The following DLG2 variants were observed in gnomAD, a reference collection of about 807,000 sequenced individuals.
DLG2 encodes the protein disks large homolog 2.
A neutral mutation model predicts 132.5 loss-of-function variants in DLG2; 45 were observed. The observed-to-expected ratio is 0.34, with a 90% CI of 0.27 to 0.44. The LOEUF (loss-of-function observed/expected upper bound fraction) is 0.44. Among genes scored for constraint, DLG2 ranks in the 20% least tolerant of loss-of-function variants. DLG2 has a pLI of 1.00. For missense variants in DLG2, 1,045 were observed against 1,196.9 expected (o/e 0.87, Z 1.87); for synonymous variants, 424 against 419.6 (o/e 1.01, Z -0.13).
chr11:83,710,451 C>G (rs934870486), intron 18 of DLG2, among the ~76,000 whole-genome samples: 2 of 152,158 alleles, frequency 1.3e-5, no homozygotes, highest in African/African-American at 4.8e-5. Flanking sequence ...CATGAGCCAC[C>G]TTGCCTGGCC....
intron 14 of DLG2, among the ~76,000 whole-genome samples, chr11:83,958,004 C>A (rs1001379552): frequency 3.9e-5 from 6 of 152,172 alleles, no homozygotes; most frequent in Non-Finnish European, 7.4e-5. Context: ...ACTAACTGAA[C>A]TTAATGCATT....
At chr11:84,333,948 T>C (rs1192668977) in intron 7 of DLG2, among the ~76,000 whole-genome samples, 1 of 152,200 alleles carries the variant, frequency 6.6e-6, no homozygotes, top group East Asian at 1.9e-4. Context: ...GTGAGTGTCA[T>C]GTGTCAGAGG....
chr11:83,906,253 TCTCTCACACACACA>T (rs2074852215), intron 15 of DLG2, among the ~76,000 whole-genome samples: 1 of 96,754 alleles, frequency 1.0e-5, no homozygotes. Flanking sequence ...TCTCTCTCTC[TCTCTCACACACACA>T]CACACACACA....
At chr11:85,100,108 T>G (rs1460197587) in intron 6 of DLG2, among the ~76,000 whole-genome samples, 1 of 152,138 alleles carries the variant, frequency 6.6e-6, no homozygotes, top group African/African-American at 2.4e-5. Flanking sequence ...ATTAAGTAAA[T>G]TAACTCATAT....
At chr11:85,438,673 T>C (rs2091615948) in intron 3 of DLG2, among the ~76,000 whole-genome samples, 2 of 152,156 alleles carry the variant, frequency 1.3e-5, no homozygotes. Flanking sequence ...CTTGTCCTCA[T>C]CTTTGTGTGT....
At chr11:84,250,274 C>T (rs1051403216) in intron 8 of DLG2, among the ~76,000 whole-genome samples, 2 of 152,178 alleles carry the variant, frequency 1.3e-5, no homozygotes, top group Non-Finnish European at 2.9e-5. Context: ...CCCACAGGCC[C>T]CACTCTGACT....
chr11:84,861,374 C>A (rs192081981), intron 6 of DLG2, among the ~76,000 whole-genome samples: 1 of 152,052 alleles, frequency 6.6e-6, no homozygotes, highest in Non-Finnish European at 1.5e-5. Flanking sequence ...CCTCCAGCTA[C>A]GTAACTTCTG....
chr11:85,599,888 C>T (rs1004304712), intron 2 of DLG2, among the ~76,000 whole-genome samples: 5 of 152,200 alleles, frequency 3.3e-5, no homozygotes, highest in African/African-American at 1.2e-4. Context: ...AGTTATACAA[C>T]CTTTGTGTTT....
In DLG2 at chr11:83,779,343, A is replaced by G. The variant is rs143307584; in HGVS notation, c.1825+7347T>C. Among the ~76,000 whole-genome samples the G allele has an allele frequency of 1.1e-4, 16 of 152,330 alleles. No individual in the cohort carries two copies. In the East Asian group the frequency reaches 3.1e-3, roughly 29 times the overall value. Reference sequence around the variant, plus strand: ...CAGATTTGTGGCTATTTTAAAAATTAACAATAGTTGCCTACACTTACAATA... The same window carrying G: ...CAGATTTGTGGCTATTTTAAAAATTGACAATAGTTGCCTACACTTACAATA... On this transcript the variant is annotated intron_variant, in intron 18 of 27. Coordinates refer to ENST00000376104, the MANE Select transcript of DLG2 (RefSeq NM_001142699.3).
At chr11:84,127,292 G>A (rs984959730) in intron 9 of DLG2, among the ~76,000 whole-genome samples, 1 of 152,064 alleles carries the variant, frequency 6.6e-6, no homozygotes. Context: ...AGCATACCCA[G>A]TTCTGACATA....
intron 3 of DLG2, among the ~76,000 whole-genome samples, chr11:85,465,916 C>T (rs1241707925): frequency 6.6e-6 from 1 of 151,948 alleles, no homozygotes; most frequent in African/African-American, 2.4e-5. Flanking sequence ...GTTTACAGTC[C>T]CACCAACAGT....
chr11:85,048,764 A>G (rs2062604069), intron 6 of DLG2, among the ~76,000 whole-genome samples: 1 of 152,080 alleles, frequency 6.6e-6, no homozygotes, highest in Non-Finnish European at 1.5e-5. Flanking sequence ...ACTTCAACAG[A>G]ATAGAAAGCA....
chr11:85,468,222 C>G (rs575488595), intron 3 of DLG2, among the ~76,000 whole-genome samples: 19 of 151,924 alleles, frequency 1.3e-4, no homozygotes, highest in African/African-American at 3.9e-4. Flanking sequence ...ATTAGTCTTG[C>G]TAGCAGGCTA....
At position 85,398,469 on chromosome 11, in the gene DLG2, A is replaced by G. The variant is rs571769216; in HGVS notation, c.41-113104T>C. Among the ~76,000 whole-genome samples the G allele has an allele frequency of 2.0e-5, 3 of 152,278 alleles. No homozygotes were observed. In the South Asian group the frequency reaches 6.2e-4, roughly 32 times the overall value. Reference sequence around the variant, plus strand: ...GAGACAGAGACACAAAAAAATCTTCAAAAAATCAATGAATCCAGGAGCTGG... The same window carrying G: ...GAGACAGAGACACAAAAAAATCTTCGAAAAATCAATGAATCCAGGAGCTGG... On this transcript the variant is annotated intron_variant, in intron 3 of 27. Transcript: ENST00000376104.
At chr11:85,374,404 T>C (rs1399326579) in intron 3 of DLG2, among the ~76,000 whole-genome samples, 1 of 152,148 alleles carries the variant, frequency 6.6e-6, no homozygotes, top group Non-Finnish European at 1.5e-5. Flanking sequence ...AGAAAGACAA[T>C]GCAAGACTAA....
chr11:83,605,987 T>C (rs762010082), intron 19 of DLG2, among the ~76,000 whole-genome samples: 2 of 152,230 alleles, frequency 1.3e-5, no homozygotes, highest in African/African-American at 2.4e-5. Flanking sequence ...GAAGGGAACA[T>C]ACATTTGTTG....
chr11:83,664,353 G>A (rs549928114), intron 18 of DLG2, among the ~76,000 whole-genome samples: 32 of 152,112 alleles, frequency 2.1e-4, no homozygotes, highest in Non-Finnish European at 3.4e-4. Flanking sequence ...GCTTCGCGGT[G>A]TCTGATGCCT....
At position 85,272,692 on chromosome 11, in the gene DLG2, A is replaced by G. The variant is rs60497751; in HGVS notation, c.186+12528T>C. ...ATGGCCATACTGCCCAAGGTTATTT[A>G]TAGATTCAATGCCATCCCCATCAAG... On this transcript the variant is annotated intron_variant, in intron 4 of 27. Transcript: ENST00000376104. Among the ~76,000 whole-genome samples the G allele has an allele frequency of 3.7e-3, 559 of 152,282 alleles. 3 individuals carry two copies. The highest frequency in any genetic ancestry group is 0.013 in the African/African-American group (536 of 41,556).
intron 4 of DLG2, among the ~76,000 whole-genome samples, chr11:85,274,337 C>A (rs909591266): frequency 1.3e-5 from 2 of 152,052 alleles, no homozygotes; most frequent in African/African-American, 4.8e-5. Flanking sequence ...AATGATAATT[C>A]CCACCAGCAA....
Sources: allele counts gnomAD v4.1 joint callset (sites outside exome capture counted in the v4.1 genomes callset), GRCh38; gene constraint gnomAD v4.1.1; transcripts MANE v1.5; gene names NCBI Gene and HGNC (gene_info 2026-07-23, HGNC 2026-07-21).